NMUR2: variants seen among roughly 807,000 people sequenced by gnomAD.
NMUR2 encodes the protein neuromedin-U receptor 2.
A neutral mutation model predicts 25.1 loss-of-function variants in NMUR2; 24 were observed. The observed-to-expected ratio is 0.96, with a 90% CI of 0.69 to 1.34. The LOEUF (loss-of-function observed/expected upper bound fraction) is 1.34. Ranked by LOEUF, NMUR2 falls within the 40% of genes most tolerant of loss-of-function variation. The probability of loss-of-function intolerance (pLI) is 0.00; values close to 1 mark genes in which losing one functional copy is unlikely to be tolerated. For synonymous variants in NMUR2, 218 were observed against 208.1 expected, an observed-to-expected ratio of 1.05 and a Z score of -0.41; for missense variants, 533 against 512.8, an observed-to-expected ratio of 1.04 and a Z score of -0.38.
intron 3 of NMUR2, among the ~76,000 whole-genome samples, chr5:152,393,843 A>G (rs1035208791): frequency 2.6e-5 from 4 of 152,174 alleles, no homozygotes; most frequent in African/African-American, 4.8e-5. Context: ...TTGCAGGTAC[A>G]GGGTATATAG....
In NMUR2 at chr5:152,405,209, GA is replaced by G; in HGVS notation, c.-97del. ...AAAGAAAAAAGGAAAACAAAAAAGA[GA>G]AAGCAGTCACGAAAGTCACAGGCTT... On this transcript the variant is annotated 5_prime_UTR_variant, in exon 1 of 4. Transcript: ENST00000255262. The G allele has an allele frequency of 7.0e-7, 1 of 1,419,502 alleles. No individual in the cohort carries two copies. The highest frequency in any genetic ancestry group is 9.4e-7 in the Non-Finnish European group (1 of 1,059,604). The allele number at this position is 1,419,502 out of a possible 1,614,324, so 87.9% of individuals were successfully genotyped here.
intron 2 of NMUR2, among the ~76,000 whole-genome samples, chr5:152,397,572 C>A (rs1322585915): frequency 1.3e-5 from 2 of 148,672 alleles, no homozygotes; most frequent in Admixed American, 1.4e-4. Context: ...ATTGTAAAAT[C>A]TTTTGTGTAT....
At chr5:152,396,136 C>A (rs1210219184) in intron 2 of NMUR2, among the ~76,000 whole-genome samples, 10 of 151,956 alleles carry the variant, frequency 6.6e-5, no homozygotes, top group Non-Finnish European at 1.3e-4. Flanking sequence ...ATTTTCACCT[C>A]CCAAAACAGA....
At chr5:152,395,251 G>T (rs769052603) in intron 3 of NMUR2, among the ~76,000 whole-genome samples, 3 of 152,116 alleles carry the variant, frequency 2.0e-5, no homozygotes, top group Non-Finnish European at 2.9e-5. Context: ...TTTCCATAAA[G>T]TAGCCTTGAA....
At position 152,404,972 on chromosome 5, in the gene NMUR2, C is replaced by A. The variant is rs139903210; in HGVS notation, c.142G>T (p.Val48Leu). Residue 48 changes from valine (V) to leucine (L), a missense_variant, in exon 1 of 4, where the codon GTG (valine) becomes TTG (leucine). Physicochemically the swap from Val to Leu is conservative, Grantham distance 32. Transcript: ENST00000255262. ...GPRRSHFFLP[V>L]SVVYVPIFVV... Reference sequence around the variant, plus strand: ...AAAATTGGCACATACACCACAGACACGGGGAGGAAGAAGTGGCTGCGCCGA... The same window carrying A: ...AAAATTGGCACATACACCACAGACAAGGGGAGGAAGAAGTGGCTGCGCCGA... The A allele has an allele frequency of 2.1e-4, 337 of 1,613,896 alleles. 2 individuals are homozygous for A. The African/African-American group carries it at 4.0e-3, about 19-fold the overall frequency.
intron 1 of NMUR2, among the ~76,000 whole-genome samples, chr5:152,403,244 A>C (rs1353809069): frequency 1.3e-5 from 2 of 152,230 alleles, no homozygotes; most frequent in African/African-American, 2.4e-5. Flanking sequence ...AACTAATTCC[A>C]GGAGAATGAT....
intron 3 of NMUR2, among the ~76,000 whole-genome samples, chr5:152,394,844 CTTTTTT>C (rs34269811): frequency 3.9e-5 from 4 of 103,182 alleles, no homozygotes; most frequent in Admixed American, 9.7e-5. Context: ...GTACAGGAGG[CTTTTTT>C]TTTTTTTTTT....
In NMUR2 at chr5:152,397,688, A is replaced by G. The variant is rs528809908; in HGVS notation, c.811+372T>C. Among the ~76,000 whole-genome samples, 9 of 151,934 alleles carry G rather than the reference A, an allele frequency of 5.9e-5. No individual in the cohort carries two copies. In the East Asian group the frequency reaches 1.4e-3, roughly 23 times the overall value. ...AATAGGTTAAAAACCTGCTTATTTC[A>G]CAGAGGGGGAAAGTGAAGCTCAAAG... On this transcript the variant is annotated intron_variant, in intron 2 of 3. Coordinates refer to ENST00000255262, the MANE Select transcript of NMUR2 (RefSeq NM_020167.5).
intron 2 of NMUR2, among the ~76,000 whole-genome samples, chr5:152,396,569 C>T (rs1753154551): frequency 6.6e-6 from 1 of 152,084 alleles, no homozygotes; most frequent in South Asian, 2.1e-4. Flanking sequence ...AGAAAAGTCC[C>T]TAATCTGTTC....
intron 1 of NMUR2, among the ~76,000 whole-genome samples, chr5:152,401,719 A>G (rs1247055587): frequency 2.0e-5 from 3 of 152,128 alleles, no homozygotes; most frequent in Non-Finnish European, 2.9e-5. Flanking sequence ...TCTATTTTCT[A>G]TCTCTATAAT....
At chr5:152,394,393 T>C (rs1753114535) in intron 3 of NMUR2, among the ~76,000 whole-genome samples, 1 of 152,216 alleles carries the variant, frequency 6.6e-6, no homozygotes, top group South Asian at 2.1e-4. Flanking sequence ...TTCTGCTTTG[T>C]ACACATCTGG....
intron 1 of NMUR2, among the ~76,000 whole-genome samples, chr5:152,403,342 C>T (rs1017000715): frequency 1.4e-4 from 21 of 152,126 alleles, no homozygotes; most frequent in African/African-American, 4.3e-4. Context: ...AGCTATAATA[C>T]CTCCCTTAAG....
At chr5:152,397,010 A>ATTTTTTTTT (rs1308899005) in intron 2 of NMUR2, among the ~76,000 whole-genome samples, 1 of 103,172 alleles carries the variant, frequency 9.7e-6, no homozygotes, top group Non-Finnish European at 2.3e-5. Context: ...AGTGAGCTTC[A>ATTTTTTTTT]TGTTTTTTTT....
chr5:152,397,999 C>T, intron 2 of NMUR2, 61 bp downstream of exon 2: 1 of 1,196,308 alleles, frequency 8.4e-7, no homozygotes, highest in Non-Finnish European at 1.2e-6. Flanking sequence ...TAGTTGGTAC[C>T]AAATGTACCT....
chr5:152,394,004 G>C (rs1337867185), intron 3 of NMUR2, among the ~76,000 whole-genome samples: 1 of 151,088 alleles, frequency 6.6e-6, no homozygotes, highest in East Asian at 1.9e-4. Context: ...TTTTCTGTAG[G>C]GTTTAAGAGA....
At chr5:152,399,033 A>C (rs1447352074) in intron 1 of NMUR2, among the ~76,000 whole-genome samples, 1 of 152,014 alleles carries the variant, frequency 6.6e-6, no homozygotes, top group Non-Finnish European at 1.5e-5. Context: ...ACTTTAGCCC[A>C]CTGTCTTCTC....
In NMUR2 at chr5:152,402,290, G is replaced by T. The variant is rs560896979; in HGVS notation, c.726+2098C>A. On this transcript the variant is annotated intron_variant, in intron 1 of 3. Coordinates refer to ENST00000255262, the MANE Select transcript of NMUR2 (RefSeq NM_020167.5). The stretch of plus-strand genomic sequence containing the variant: ...ACAGTAGGAACATTTCAGGCTACAG[G>T]TATAGTGTACATAAAGGCCCTGCGA... 2.7e-4 allele frequency among the ~76,000 whole-genome samples: 41 copies of T among 152,222 alleles called. 2 individuals carry two copies. The highest frequency in any genetic ancestry group is 9.6e-4 in the African/African-American group (40 of 41,548).
chr5:152,399,950 A>G (rs72791449), intron 1 of NMUR2, among the ~76,000 whole-genome samples: 22,041 of 152,238 alleles, frequency 0.14, 2,085 homozygotes, highest in Admixed American at 0.24. Context: ...TGCAATAATG[A>G]AACAAACTGC....
Position 152,392,341 on chromosome 5 carries a change from C to T in NMUR2, c.1098G>A (p.Leu366=). The T allele has an allele frequency of 1.2e-6, 2 of 1,614,004 alleles. No homozygotes were observed. Among genetic ancestry groups the T allele is most frequent in the Non-Finnish European group, 1.7e-6 (2 of 1,179,964 alleles). Residue 366 remains leucine, a synonymous_variant, in exon 4 of 4, where the codon CTG becomes CTA. Coordinates refer to ENST00000255262, the MANE Select transcript of NMUR2 (RefSeq NM_020167.5). ...TCAGCTCCACAAAGTGGCATTCTGT[C>T]AGGAAGATGTTCCGCTGGGCAGGTG... ...QLPPAQRNIF[L]TECHFVELTE... is the part of the protein sequence containing the mutation.
Sources: allele counts gnomAD v4.1 joint callset (sites outside exome capture counted in the v4.1 genomes callset), GRCh38; gene constraint gnomAD v4.1.1; transcripts MANE v1.5; gene names NCBI Gene and HGNC (gene_info 2026-07-23, HGNC 2026-07-21).